MTA3: variants seen among roughly 807,000 people sequenced by gnomAD.
The protein encoded by MTA3 is metastasis associated 1 family member 3.
A neutral mutation model predicts 83.5 loss-of-function variants in MTA3; 34 were observed. The observed-to-expected ratio is 0.41, with a 90% CI of 0.31 to 0.54. The LOEUF is 0.54. Ranked by LOEUF, MTA3 falls within the 20% of genes least tolerant of loss-of-function variation. The pLI is 0.33. For missense variants in MTA3, 761 were observed against 726.4 expected (o/e 1.05, Z -0.55); for synonymous variants, 303 against 252.7 (o/e 1.20, Z -1.89).
intron 14 of MTA3, among the ~76,000 whole-genome samples, chr2:42,714,825 G>A (rs1050255570): frequency 4.6e-5 from 7 of 152,126 alleles, no homozygotes; most frequent in African/African-American, 9.7e-5. Flanking sequence ...CTCGCATAGC[G>A]GTTCACAATA....
upstream of MTA3, among the ~76,000 whole-genome samples, chr2:42,564,868 C>T (rs1427554806): frequency 1.3e-5 from 2 of 152,146 alleles, no homozygotes; most frequent in Non-Finnish European, 2.9e-5. Context: ...TCTCTGCCTC[C>T]TGGGTTCAAG....
rs190129525 is a variant in MTA3 at position 42,749,054 on chromosome 2, C to G, written c.1760-4320C>G. Among the ~76,000 whole-genome samples the G allele has an allele frequency of 8.5e-5, 13 of 152,334 alleles. No homozygotes were observed. The East Asian group carries it at 2.5e-3, about 29-fold the overall frequency. Reference sequence around the variant, plus strand: ...CAGCTCTTGAAGTCACTGCTCGGCTCCTTGAGCCTTCTAGCTGATGTTTTC... The same window carrying G: ...CAGCTCTTGAAGTCACTGCTCGGCTGCTTGAGCCTTCTAGCTGATGTTTTC... On this transcript the variant is annotated intron_variant, in intron 16 of 16. Transcript: ENST00000405094.
intron 2 of MTA3, among the ~76,000 whole-genome samples, chr2:42,540,563 A>T (rs1400413459): frequency 6.6e-6 from 1 of 152,098 alleles, no homozygotes; most frequent in Non-Finnish European, 1.5e-5. Flanking sequence ...AGCTGGGCAC[A>T]GTAGCTCACA....
intron 3 of MTA3, among the ~76,000 whole-genome samples, chr2:42,607,172 A>G (rs1683571811): frequency 6.6e-6 from 1 of 151,616 alleles, no homozygotes; most frequent in South Asian, 2.1e-4. Flanking sequence ...TTTACCCCGC[A>G]AGTAAAATAG....
At chr2:42,502,407 A>G (rs1674436728) in intron 2 of MTA3, among the ~76,000 whole-genome samples, 3 of 152,158 alleles carry the variant, frequency 2.0e-5, no homozygotes, top group Non-Finnish European at 4.4e-5. Context: ...TTTCTGAAAA[A>G]CAACTCAGGG....
At chr2:42,685,808 G>GT (rs1692320328) in intron 9 of MTA3, among the ~76,000 whole-genome samples, 1 of 151,580 alleles carries the variant, frequency 6.6e-6, no homozygotes, top group Admixed American at 6.6e-5. Context: ...AGGGTTTTGT[G>GT]TTTTTTGTGG....
intron 4 of MTA3, among the ~76,000 whole-genome samples, chr2:42,617,314 C>T (rs1685019350): frequency 2.0e-5 from 3 of 152,148 alleles, no homozygotes; most frequent in Admixed American, 2.0e-4. Flanking sequence ...GAACTTCTCA[C>T]ACAAGTTTGT....
chr2:42,685,319 A>T (rs978118025), intron 9 of MTA3, among the ~76,000 whole-genome samples: 13 of 152,118 alleles, frequency 8.5e-5, no homozygotes, highest in African/African-American at 3.1e-4. Flanking sequence ...AGCTTGTTTC[A>T]ATAGAGAGCT....
intron 8 of MTA3, 36 bp downstream of exon 8, chr2:42,659,898 C>G (rs1228267259): frequency 1.3e-6 from 2 of 1,490,142 alleles, no homozygotes; most frequent in East Asian, 4.9e-5. Context: ...GGTATTTATC[C>G]TTCTGTTACT....
intron 4 of MTA3, among the ~76,000 whole-genome samples, chr2:42,624,681 G>T (rs1215250735): frequency 1.3e-5 from 2 of 152,110 alleles, no homozygotes; most frequent in Non-Finnish European, 2.9e-5. Flanking sequence ...AACTTTGTCA[G>T]ACTCAATCAC....
At chr2:42,529,369 C>G (rs570342913) in intron 2 of MTA3, among the ~76,000 whole-genome samples, 1 of 152,298 alleles carries the variant, frequency 6.6e-6, no homozygotes, top group South Asian at 2.1e-4. Flanking sequence ...GGAATTGGCA[C>G]AGCTTCACCA....
intron 15 of MTA3, among the ~76,000 whole-genome samples, chr2:42,722,048 A>T (rs1033997186): frequency 6.6e-6 from 1 of 152,168 alleles, no homozygotes. Context: ...CCTTACCTTC[A>T]GTGAAAGGGT....
intron 2 of MTA3, among the ~76,000 whole-genome samples, chr2:42,533,765 G>A (rs1260658900): frequency 1.3e-5 from 2 of 148,726 alleles, no homozygotes; most frequent in Admixed American, 6.7e-5. Flanking sequence ...CCAAGAGGCC[G>A]AGGGTGCAGT....
chr2:42,646,637 C>T (rs888746381), intron 6 of MTA3, among the ~76,000 whole-genome samples: 7 of 152,024 alleles, frequency 4.6e-5, no homozygotes, highest in Non-Finnish European at 1.5e-5. Flanking sequence ...TGAGCGTGGG[C>T]CCTGAGGATG....
intron 2 of MTA3, among the ~76,000 whole-genome samples, chr2:42,504,127 G>A (rs1041945311): frequency 2.0e-5 from 3 of 151,920 alleles, no homozygotes; most frequent in Non-Finnish European, 4.4e-5. Context: ...ATGGGGTTTC[G>A]CTGTGTTGGA....
In MTA3 at chr2:42,755,157, C is replaced by T. The variant is rs1670156762; in HGVS notation, c.*1758C>T. ...GCCGCATCACGTGGATGTTTCTTCC[C>T]TAAAGAAAAAGACACAGGAAAGCTG... On this transcript the variant is annotated 3_prime_UTR_variant, in exon 17 of 17. Coordinates refer to ENST00000405094, the MANE Select transcript of MTA3 (RefSeq NM_001330442.2). 1.0e-6 allele frequency: 1 copy of T among 985,296 alleles called. No homozygotes were observed. Among genetic ancestry groups the T allele is most frequent in the Non-Finnish European group, 1.2e-6 (1 of 829,964 alleles). The allele number at this position is 985,296 out of a possible 1,614,324, so 61.0% of individuals were successfully genotyped here.
chr2:42,541,879 G>A (rs942812636), intron 2 of MTA3, among the ~76,000 whole-genome samples: 2 of 152,238 alleles, frequency 1.3e-5, no homozygotes, highest in South Asian at 4.2e-4. Flanking sequence ...GATGGCTACT[G>A]TCAATTAGAG....
At chr2:42,635,111 A>G (rs79354301) in intron 4 of MTA3, among the ~76,000 whole-genome samples, 1,560 of 152,280 alleles carry the variant, frequency 0.01, 30 homozygotes, top group African/African-American at 0.035. Flanking sequence ...TGGTTTGGAA[A>G]TCACTTCTCT....
At chr2:42,495,567 A>G (rs1472876426) in intron 2 of MTA3, among the ~76,000 whole-genome samples, 1 of 152,192 alleles carries the variant, frequency 6.6e-6, no homozygotes, top group Non-Finnish European at 1.5e-5. Flanking sequence ...GCTGATGGCC[A>G]TGAGTTGGCA....
Sources: gnomAD v4.1 joint callset for allele counts (sites outside exome capture counted in the v4.1 genomes callset) on GRCh38, gnomAD v4.1.1 for gene constraint, MANE v1.5 for transcripts, NCBI Gene and HGNC (gene_info 2026-07-23, HGNC 2026-07-21) for gene names.